USP9X: variants seen among roughly 807,000 people sequenced by gnomAD.
USP9X encodes the protein ubiquitin specific peptidase 9 X-linked.
Under a neutral mutation model 190.3 loss-of-function variants are expected in USP9X, and 7 were observed. That is an observed-to-expected ratio of 0.04 (90% CI 0.02 to 0.07). USP9X has a LOEUF of 0.07. USP9X is among the 10% of genes least tolerant of loss of function. The pLI is 1.00. For synonymous variants in USP9X, 645 were observed against 659.5 expected, an observed-to-expected ratio of 0.98 and a Z score of 0.34; for missense variants, 1,010 against 1,916.9, an observed-to-expected ratio of 0.53 and a Z score of 8.83.
intron 21 of USP9X, among the ~76,000 whole-genome samples, chrX:41,174,984 GAAAAA>G (rs928826605): frequency 1.9e-5 from 2 of 105,918 alleles, no homozygotes; most frequent in African/African-American, 6.9e-5. Flanking sequence ...TCTGTCTGAA[GAAAAA>G]AAAAAGTATT....
chrX:41,231,763 TCTTGG>T (rs1223046791), intron 44 of USP9X, among the ~76,000 whole-genome samples: 2 of 104,572 alleles, frequency 1.9e-5, no homozygotes, highest in African/African-American at 7.0e-5. Flanking sequence ...AAGCCTAAAA[TCTTGG>T]CTTGGCTGAT....
chrX:41,121,648 G>A (rs1465594685), intron 1 of USP9X, among the ~76,000 whole-genome samples: 1 of 111,566 alleles, frequency 9.0e-6, no homozygotes, highest in Non-Finnish European at 1.9e-5. Flanking sequence ...TCTCTTGAGA[G>A]CCAGTGAGTT....
In USP9X at chrX:41,181,293, T is replaced by TTA. The variant is rs58446941; in HGVS notation, c.3149-2705_3149-2704insTA. Among the ~76,000 whole-genome samples the TTA allele has an allele frequency of 4.9e-5, 5 of 101,874 alleles. No homozygotes were observed. In the South Asian group the frequency reaches 1.8e-3, roughly 37 times the overall value. The allele number at this position is 101,874 out of a possible 115,157, so 88.5% of individuals were successfully genotyped here. ...ATTTCTTTTTTTTTTTTTTTTTTTT[T>TTA]AAAGAGAGAGGGCCTTACTCTGTGT... On this transcript the variant is annotated intron_variant, in intron 21 of 44. Transcript: ENST00000378308.
intron 30 of USP9X, among the ~76,000 whole-genome samples, chrX:41,199,548 G>A (rs1167392697): frequency 9.0e-6 from 1 of 111,036 alleles, no homozygotes; most frequent in Admixed American, 9.6e-5. Flanking sequence ...GCTTACAGGC[G>A]CCTGCCACCA....
intron 32 of USP9X, among the ~76,000 whole-genome samples, chrX:41,209,550 T>G (rs757882549): frequency 3.3e-4 from 37 of 112,085 alleles, no homozygotes; most frequent in Non-Finnish European, 5.8e-4. Context: ...TCTTAACAGA[T>G]CTCTCCTTTA....
chrX:41,106,967 A>G (rs1195934356), intron 1 of USP9X, among the ~76,000 whole-genome samples: 1 of 100,896 alleles, frequency 9.9e-6, no homozygotes, highest in African/African-American at 3.7e-5. Context: ...GCTCACTGCA[A>G]CCTCTGCCGC....
chrX:41,220,848 G>A (rs1261814206), intron 38 of USP9X, among the ~76,000 whole-genome samples: 2 of 107,060 alleles, frequency 1.9e-5, no homozygotes, highest in Admixed American at 1.0e-4. Flanking sequence ...CCAGCTATTC[G>A]GGAGGCTGAG....
intron 33 of USP9X, among the ~76,000 whole-genome samples, chrX:41,212,698 G>A (rs2063177580): frequency 1.8e-5 from 2 of 111,220 alleles, no homozygotes; most frequent in South Asian, 3.7e-4. Flanking sequence ...CAGTAAGATA[G>A]TATTTTCTAC....
chrX:41,153,239 T>A (rs2062546009), intron 14 of USP9X, among the ~76,000 whole-genome samples, 158 bp downstream of exon 14: 2 of 111,668 alleles, frequency 1.8e-5, no homozygotes, highest in Admixed American at 9.5e-5. Context: ...AGTTTAAGAG[T>A]CTTCACTAAG....
intron 1 of USP9X, among the ~76,000 whole-genome samples, chrX:41,112,927 A>G (rs1416568270): frequency 8.9e-6 from 1 of 112,258 alleles, no homozygotes; most frequent in Non-Finnish European, 1.9e-5. Flanking sequence ...ATAAGCTATT[A>G]ATGTTTGCTG....
intron 21 of USP9X, among the ~76,000 whole-genome samples, chrX:41,174,107 CT>C (rs1425828219): frequency 8.9e-6 from 1 of 111,931 alleles, no homozygotes; most frequent in Admixed American, 9.4e-5. Context: ...CATATATAAC[CT>C]AGATATGTTG....
intron 1 of USP9X, among the ~76,000 whole-genome samples, chrX:41,093,493 C>T (rs1040333430): frequency 1.5e-4 from 17 of 111,554 alleles, no homozygotes; most frequent in Non-Finnish European, 3.0e-4. Context: ...TACAGGCATG[C>T]GCCACCACAC....
intron 9 of USP9X, among the ~76,000 whole-genome samples, chrX:41,142,521 A>G (rs934703577): frequency 2.2e-4 from 25 of 111,964 alleles, no homozygotes; most frequent in African/African-American, 7.8e-4. Context: ...AAAAACAAAT[A>G]TCTGCAACAG....
At chrX:41,178,538 T>G (rs1401722246) in intron 21 of USP9X, among the ~76,000 whole-genome samples, 1 of 111,954 alleles carries the variant, frequency 8.9e-6, no homozygotes. Flanking sequence ...TTTTGAGAAA[T>G]ATCTATTCAA....
chrX:41,171,204 C>T (rs984895635), intron 20 of USP9X, among the ~76,000 whole-genome samples: 2 of 111,460 alleles, frequency 1.8e-5, no homozygotes, highest in Non-Finnish European at 3.8e-5. Flanking sequence ...CATGGTGGCT[C>T]ACACCTGTAA....
At chrX:41,217,467 C>T (rs1456131170) in intron 36 of USP9X, 124 bp downstream of exon 36, 10 of 807,853 alleles carry the variant, frequency 1.2e-5, no homozygotes, top group Non-Finnish European at 1.7e-5. Flanking sequence ...AATAAAAACT[C>T]TGGGTCACAA....
chrX:41,188,414 A>G (rs2062901399), intron 25 of USP9X, among the ~76,000 whole-genome samples: 1 of 111,740 alleles, frequency 8.9e-6, no homozygotes, highest in Admixed American at 9.5e-5. Flanking sequence ...TTTTTCTTTT[A>G]TCATCTTTCT....
At chrX:41,197,333 C>CCT in intron 28 of USP9X, 31 bp from the exon 29 acceptor site, 1 of 266,153 alleles carries the variant, frequency 3.8e-6, no homozygotes. Context: ...TGATTTCTTC[C>CCT]CCCCCCCACC....
At chrX:41,167,604 C>A (rs569171908) in intron 17 of USP9X, 27 bp downstream of exon 17, 2 of 1,061,724 alleles carry the variant, frequency 1.9e-6, no homozygotes, top group Admixed American at 5.2e-5. Flanking sequence ...ATTAAAACTT[C>A]CATATATAAT....
Sources: gnomAD v4.1 joint callset for allele counts (sites outside exome capture counted in the v4.1 genomes callset) on GRCh38, gnomAD v4.1.1 for gene constraint, MANE v1.5 for transcripts, NCBI Gene and HGNC (gene_info 2026-07-23, HGNC 2026-07-21) for gene names.